NDUFS4: variants seen among roughly 807,000 people sequenced by gnomAD.
The protein encoded by NDUFS4 is NADH dehydrogenase [ubiquinone] iron-sulfur protein 4, mitochondrial.
A neutral mutation model predicts 24.3 loss-of-function variants in NDUFS4; 28 were observed. That is an observed-to-expected ratio of 1.15 (90% CI 0.85 to 1.58). The LOEUF (loss-of-function observed/expected upper bound fraction) is 1.58, where lower values mean the gene tolerates loss of function less well. Among genes scored for constraint, NDUFS4 ranks in the 40% most tolerant of loss-of-function variants. The pLI is 0.00. For missense variants in NDUFS4, 223 were observed against 207.9 expected (o/e 1.07, Z -0.45); for synonymous variants, 93 against 69.7 (o/e 1.34, Z -1.67).
intron 1 of NDUFS4, among the ~76,000 whole-genome samples, chr5:53,576,258 T>C (rs960051778): frequency 9.9e-5 from 15 of 152,258 alleles, no homozygotes; most frequent in African/African-American, 3.6e-4. Flanking sequence ...CAAGTTCTTG[T>C]GTTAAACCTT....
intron 1 of NDUFS4, among the ~76,000 whole-genome samples, chr5:53,598,868 G>T (rs947263629): frequency 6.6e-6 from 1 of 152,100 alleles, no homozygotes; most frequent in Non-Finnish European, 1.5e-5. Flanking sequence ...ACCTTGACCA[G>T]TAATGGTAAT....
At chr5:53,665,418 C>G (rs1425362663) in intron 4 of NDUFS4, among the ~76,000 whole-genome samples, 2 of 152,220 alleles carry the variant, frequency 1.3e-5, no homozygotes, top group East Asian at 1.9e-4. Flanking sequence ...TGCCCTACCC[C>G]CAGAGGTGGA....
intron 3 of NDUFS4, among the ~76,000 whole-genome samples, chr5:53,653,759 T>G (rs1752086075): frequency 6.6e-6 from 1 of 152,132 alleles, no homozygotes; most frequent in Non-Finnish European, 1.5e-5. Context: ...TTATATGTCC[T>G]TTGGTGAAAT....
chr5:53,657,481 CAT>C (rs1752197992), intron 3 of NDUFS4, among the ~76,000 whole-genome samples: 1 of 152,144 alleles, frequency 6.6e-6, no homozygotes, highest in Non-Finnish European at 1.5e-5. Flanking sequence ...TTCTATATCT[CAT>C]ATCTTTCCCC....
At chr5:53,626,768 G>C (rs940822449) in intron 2 of NDUFS4, among the ~76,000 whole-genome samples, 1 of 152,094 alleles carries the variant, frequency 6.6e-6, no homozygotes, top group African/African-American at 2.4e-5. Context: ...GTTCTTTGCA[G>C]ATTCTGGATA....
intron 2 of NDUFS4, among the ~76,000 whole-genome samples, chr5:53,645,605 G>A (rs1038328909): frequency 2.0e-5 from 3 of 152,096 alleles, no homozygotes; most frequent in Admixed American, 6.5e-5. Context: ...GCCACTTTTT[G>A]GGATTACTTT....
At chr5:53,577,281 T>C (rs189311350) in intron 1 of NDUFS4, among the ~76,000 whole-genome samples, 1 of 152,302 alleles carries the variant, frequency 6.6e-6, no homozygotes, top group African/African-American at 2.4e-5. Flanking sequence ...AGGTGTTAAC[T>C]CTTTTGTGCT....
rs751244372 is a variant in NDUFS4 at position 53,631,850 on chromosome 5, G to A, written c.178-14383G>A. ...GGACCTGCCAAGCCAGGCACCGATG[G>A]GAATCTCCTGGACTGCCGATTGCGA... On this transcript the variant is annotated intron_variant, in intron 2 of 4. Transcript: ENST00000296684. Among the ~76,000 whole-genome samples, 35 of 152,152 alleles carry A rather than the reference G, an allele frequency of 2.3e-4. 1 individual carries two copies. Among genetic ancestry groups the A allele is most frequent in the Non-Finnish European group, 4.9e-4 (33 of 68,014 alleles).
At chr5:53,606,829 T>G (rs1466679140) in intron 2 of NDUFS4, among the ~76,000 whole-genome samples, 1 of 152,206 alleles carries the variant, frequency 6.6e-6, no homozygotes, top group Non-Finnish European at 1.5e-5. Flanking sequence ...GGGACAAATA[T>G]GCAAACTGTA....
chr5:53,634,183 A>G (rs566494628), intron 2 of NDUFS4, among the ~76,000 whole-genome samples: 32 of 152,330 alleles, frequency 2.1e-4, no homozygotes, highest in Non-Finnish European at 3.7e-4. Flanking sequence ...TAAATTGACA[A>G]GGAATCCCCT....
intron 2 of NDUFS4, among the ~76,000 whole-genome samples, chr5:53,611,251 CTT>C (rs1344132517): frequency 4.7e-5 from 7 of 147,442 alleles, no homozygotes; most frequent in African/African-American, 7.5e-5. Flanking sequence ...CAACATGTAT[CTT>C]ATCTTTTTTT....
intron 2 of NDUFS4, among the ~76,000 whole-genome samples, chr5:53,614,013 G>T (rs1467587187): frequency 6.6e-6 from 1 of 151,806 alleles, no homozygotes; most frequent in Non-Finnish European, 1.5e-5. Flanking sequence ...CTCATGACAT[G>T]TATCTATAAA....
chr5:53,670,444 A>AG (rs1350751854), intron 4 of NDUFS4, among the ~76,000 whole-genome samples: 1 of 151,846 alleles, frequency 6.6e-6, no homozygotes, highest in African/African-American at 2.4e-5. Context: ...GAAAAAAAAA[A>AG]GTATCTCAAT....
chr5:53,612,181 C>T (rs1750716813), intron 2 of NDUFS4, among the ~76,000 whole-genome samples: 2 of 151,938 alleles, frequency 1.3e-5, no homozygotes, highest in African/African-American at 4.8e-5. Flanking sequence ...TGGCTGCTAT[C>T]TCTCCTTCAT....
At chr5:53,624,736 T>C (rs1179510259) in intron 2 of NDUFS4, among the ~76,000 whole-genome samples, 1 of 152,182 alleles carries the variant, frequency 6.6e-6, no homozygotes, top group Non-Finnish European at 1.5e-5. Flanking sequence ...TTTGGTGGAA[T>C]CTTTAGGGAT....
intron 1 of NDUFS4, among the ~76,000 whole-genome samples, chr5:53,600,763 A>G (rs1214408249): frequency 1.3e-5 from 2 of 152,218 alleles, no homozygotes; most frequent in African/African-American, 4.8e-5. Flanking sequence ...TTCTTATCAC[A>G]TGATATAACT....
intron 3 of NDUFS4, among the ~76,000 whole-genome samples, chr5:53,646,725 G>A (rs1446026014): frequency 1.3e-5 from 2 of 151,948 alleles, no homozygotes; most frequent in Non-Finnish European, 2.9e-5. Context: ...TGCTTTCTAC[G>A]GTTTCAGTTA....
intron 2 of NDUFS4, among the ~76,000 whole-genome samples, chr5:53,610,262 A>G (rs1750654098): frequency 6.6e-6 from 1 of 152,204 alleles, no homozygotes; most frequent in Non-Finnish European, 1.5e-5. Context: ...GGCCCAAGGA[A>G]AGGGTGAGGT....
At chr5:53,648,392 A>G (rs549659140) in intron 3 of NDUFS4, among the ~76,000 whole-genome samples, 99 of 152,338 alleles carry the variant, frequency 6.5e-4, no homozygotes, top group African/African-American at 2.3e-3. Context: ...ATGGAGGAAC[A>G]TTTGGCTTCC....
Sources: allele counts gnomAD v4.1 joint callset (sites outside exome capture counted in the v4.1 genomes callset), GRCh38; gene constraint gnomAD v4.1.1; transcripts MANE v1.5; gene names NCBI Gene and HGNC (gene_info 2026-07-23, HGNC 2026-07-21).